The following GRIA4 variants were observed in gnomAD, a reference collection of about 807,000 sequenced individuals.
The protein encoded by GRIA4 is glutamate receptor 4.
Under a neutral mutation model 104.0 loss-of-function variants are expected in GRIA4, and 34 were observed. The observed-to-expected ratio is 0.33, with a 90% confidence interval of 0.25 to 0.44. GRIA4 has a LOEUF of 0.44. Ranked by LOEUF, GRIA4 falls within the 20% of genes least tolerant of loss-of-function variation. The probability of loss-of-function intolerance (pLI) is 1.00; values close to 1 mark genes in which losing one functional copy is unlikely to be tolerated. For synonymous variants in GRIA4, 386 were observed against 381.9 expected (o/e 1.01, Z -0.13); for missense variants, 750 against 1,096.5 (o/e 0.68, Z 4.46).
At chr11:105,660,336 C>T (rs1951970406) in intron 3 of GRIA4, among the ~76,000 whole-genome samples, 2 of 151,524 alleles carry the variant, frequency 1.3e-5, no homozygotes. Flanking sequence ...AGAATAGCAG[C>T]AGAATTCTCA....
intron 3 of GRIA4, among the ~76,000 whole-genome samples, chr11:105,674,594 A>C (rs1258623462): frequency 1.3e-5 from 2 of 151,876 alleles, no homozygotes; most frequent in African/African-American, 4.8e-5. Flanking sequence ...CATTTACCCG[A>C]AAATTTGGAA....
At chr11:105,901,009 T>C (rs1946835379) in intron 7 of GRIA4, among the ~76,000 whole-genome samples, 1 of 152,150 alleles carries the variant, frequency 6.6e-6, no homozygotes. Flanking sequence ...GTAATCTCCA[T>C]AGTATTTGAT....
At chr11:105,972,049 G>A (rs1432237128) in intron 15 of GRIA4, 21 bp downstream of exon 15, 2 of 1,428,784 alleles carry the variant, frequency 1.4e-6, no homozygotes, top group Non-Finnish European at 2.0e-6. Flanking sequence ...GCAGTTCGGG[G>A]CCTCCTCTTG....
At chr11:105,862,263 T>C (rs1945254651) in intron 5 of GRIA4, 55 bp downstream of exon 5, 1 of 954,386 alleles carries the variant, frequency 1.0e-6, no homozygotes, top group Non-Finnish European at 1.6e-6. Flanking sequence ...AAATTTAACC[T>C]TTGATTGACT....
chr11:105,649,436 T>A (rs1951624777), intron 3 of GRIA4, among the ~76,000 whole-genome samples: 2 of 152,306 alleles, frequency 1.3e-5, no homozygotes, highest in South Asian at 2.1e-4. Context: ...TTTGATTTTG[T>A]CTTAAATGAT....
At chr11:105,668,039 C>G (rs555388672) in intron 3 of GRIA4, among the ~76,000 whole-genome samples, 1 of 151,596 alleles carries the variant, frequency 6.6e-6, no homozygotes, top group South Asian at 2.1e-4. Flanking sequence ...GCATTCTACT[C>G]TCTGTTTCTA....
chr11:105,882,919 T>C (rs1430354733), intron 5 of GRIA4, among the ~76,000 whole-genome samples: 1 of 152,232 alleles, frequency 6.6e-6, no homozygotes. Context: ...TTCTTGAAGA[T>C]TGGTTATGCC....
chr11:105,954,264 T>A (rs1013149054), intron 14 of GRIA4, among the ~76,000 whole-genome samples: 3 of 152,228 alleles, frequency 2.0e-5, no homozygotes, highest in African/African-American at 7.2e-5. Context: ...AATGTTTTTC[T>A]AAGAACTTTA....
rs139650985 is a variant in GRIA4, at chr11:105,933,791, A to G, written c.2116A>G (p.Arg706Gly). ...ATCAGCAGAGCCATCAGTATTCACT[A>G]GGACTACAGCTGAGGGAGTAGCTCG... ...MRSAEPSVFT[R>G]TTAEGVARVR... Residue 706 changes from arginine to glycine, a missense_variant, in exon 14 of 17, where the codon AGG (arginine) becomes GGG (glycine). Physicochemically the swap from Arg to Gly is moderately radical, Grantham distance 125 (BLOSUM62 -2). This residue lies in a region of GRIA4 where 272 missense variants were observed against 524.5 expected (regional missense o/e 0.52). Coordinates refer to ENST00000282499, the MANE Select transcript of GRIA4 (RefSeq NM_000829.4). 1 of 1,612,278 alleles carries G rather than the reference A, an allele frequency of 6.2e-7. No individual in the cohort carries two copies. The highest frequency in any genetic ancestry group is 2.2e-5 in the East Asian group (1 of 44,794).
At chr11:105,791,210 T>C (rs1479795807) in intron 4 of GRIA4, among the ~76,000 whole-genome samples, 1 of 152,158 alleles carries the variant, frequency 6.6e-6, no homozygotes, top group Non-Finnish European at 1.5e-5. Context: ...CAACGAAAAG[T>C]AGAATTATGA....
At chr11:105,651,463 T>C (rs1951684768) in intron 3 of GRIA4, among the ~76,000 whole-genome samples, 1 of 152,086 alleles carries the variant, frequency 6.6e-6, no homozygotes. Flanking sequence ...CGGGAATCTC[T>C]CTCCTCTCTC....
chr11:105,825,883 CA>C (rs1943753954), intron 4 of GRIA4, among the ~76,000 whole-genome samples: 1 of 152,024 alleles, frequency 6.6e-6, no homozygotes. Context: ...GTGGAAGCTG[CA>C]AAAATAGTAC....
intron 3 of GRIA4, among the ~76,000 whole-genome samples, chr11:105,677,160 A>T (rs937616444): frequency 5.9e-5 from 9 of 151,944 alleles, no homozygotes; most frequent in Non-Finnish European, 1.0e-4. Context: ...TCCATTTTTT[A>T]AAATTTTTAT....
At chr11:105,727,795 G>A (rs1028119061) in intron 3 of GRIA4, among the ~76,000 whole-genome samples, 6 of 152,098 alleles carry the variant, frequency 3.9e-5, no homozygotes, top group East Asian at 1.9e-4. Context: ...AAGTGAAGGC[G>A]AAATAAAATC....
Position 105,684,345 on chromosome 11 carries a change from C to T in GRIA4, c.248-68636C>T, listed in dbSNP as rs187664761. 1.0e-3 allele frequency among the ~76,000 whole-genome samples: 158 copies of T among 151,944 alleles called. 2 individuals carry two copies. Among genetic ancestry groups the T allele is most frequent in the South Asian group, 4.6e-3 (22 of 4,812 alleles). ...TAACACGATTTTTTCATGGTTCCAC[C>T]AGGTATCAGTAACAACTATATGTAA... On this transcript the variant is annotated intron_variant, in intron 3 of 16. Transcript: ENST00000282499.
At chr11:105,654,020 A>G (rs1951766121) in intron 3 of GRIA4, among the ~76,000 whole-genome samples, 7 of 148,238 alleles carry the variant, frequency 4.7e-5, no homozygotes, top group Admixed American at 3.3e-4. Flanking sequence ...AAAAAAAAAA[A>G]AAAAAAAGAA....
intron 3 of GRIA4, among the ~76,000 whole-genome samples, chr11:105,636,072 A>G (rs550006977): frequency 6.6e-6 from 1 of 152,258 alleles, no homozygotes; most frequent in Admixed American, 6.5e-5. Context: ...TATCTAGTGT[A>G]TTTATAATCC....
chr11:105,872,440 C>G (rs2072009941), intron 5 of GRIA4, among the ~76,000 whole-genome samples: 1 of 152,120 alleles, frequency 6.6e-6, no homozygotes, highest in African/African-American at 2.4e-5. Context: ...CATAGACTCT[C>G]AGGTTGACTG....
intron 4 of GRIA4, among the ~76,000 whole-genome samples, chr11:105,836,289 GC>G (rs1311485032): frequency 6.6e-6 from 1 of 152,046 alleles, no homozygotes; most frequent in Non-Finnish European, 1.5e-5. Flanking sequence ...TGCTCAGGGG[GC>G]AAAAGGAGGG....
Sources: allele counts gnomAD v4.1 joint callset (sites outside exome capture counted in the v4.1 genomes callset), GRCh38; gene constraint gnomAD v4.1.1; regional missense constraint gnomAD v4.1.1; transcripts MANE v1.5; gene names NCBI Gene and HGNC (gene_info 2026-07-23, HGNC 2026-07-21).